CXCL13: variants seen among roughly 807,000 people sequenced by gnomAD.
CXCL13 encodes the protein C-X-C motif chemokine ligand 13.
A neutral mutation model predicts 12.2 loss-of-function variants in CXCL13; 7 were observed. The ratio of observed to expected loss-of-function variants is 0.57; its 90% CI spans 0.33 to 1.07. CXCL13 has a LOEUF of 1.07. Among genes scored for constraint, CXCL13 ranks in the 50% least tolerant of loss-of-function variants. The pLI is 0.04. For synonymous variants in CXCL13, 47 were observed against 42.4 expected (o/e 1.11, Z -0.42); for missense variants, 113 against 127.4 (o/e 0.89, Z 0.55).
rs556227848 is a variant in CXCL13, at chr4:77,568,051, A to G, written c.-42-37773A>G. On this transcript the variant is annotated intron_variant, in intron 1 of 4. Coordinates refer to the CXCL13 transcript ENST00000286758. Reference sequence around the variant, plus strand: ...TTCCTTCATGAAGCCAATAACCCCAATGGACTCCCAGGCTGAACCCCAATT... The same window carrying G: ...TTCCTTCATGAAGCCAATAACCCCAGTGGACTCCCAGGCTGAACCCCAATT... Among the ~76,000 whole-genome samples, 58 of 152,156 alleles carry G rather than the reference A, an allele frequency of 3.8e-4. 3 individuals are homozygous for G. The South Asian group carries it at 0.011, about 30-fold the overall frequency.
chr4:77,585,836 C>T (rs900329552), intron 1 of CXCL13, among the ~76,000 whole-genome samples: 14 of 150,864 alleles, frequency 9.3e-5, no homozygotes, highest in East Asian at 3.9e-4. Flanking sequence ...ATAGGGCACG[C>T]GGCAGGCCTC....
chr4:77,540,001 G>C (rs72650473), intron 1 of CXCL13, among the ~76,000 whole-genome samples: 1 of 152,150 alleles, frequency 6.6e-6, no homozygotes, highest in Non-Finnish European at 1.5e-5. Flanking sequence ...TAAAAACAGG[G>C]AGATGCTGAC....
upstream of CXCL13, among the ~76,000 whole-genome samples, chr4:77,602,642 CA>C (rs544667361): frequency 3.2e-4 from 45 of 140,266 alleles, no homozygotes; most frequent in Admixed American, 1.3e-3. Flanking sequence ...CAAAGTGAAG[CA>C]AAAAAAAAAC....
intron 1 of CXCL13, among the ~76,000 whole-genome samples, chr4:77,587,953 G>C (rs1256045989): frequency 6.6e-6 from 1 of 152,206 alleles, no homozygotes; most frequent in Non-Finnish European, 1.5e-5. Flanking sequence ...CAAGTGACCA[G>C]CACTTGTCAC....
intron 1 of CXCL13, among the ~76,000 whole-genome samples, chr4:77,531,128 A>ATTATTATTT (rs1553914595): frequency 6.8e-6 from 1 of 146,998 alleles, no homozygotes; most frequent in African/African-American, 2.5e-5. Context: ...TATTATTATT[A>ATTATTATTT]TTATCATTAT....
At chr4:77,561,650 C>T (rs1725815497) in intron 1 of CXCL13, among the ~76,000 whole-genome samples, 1 of 152,232 alleles carries the variant, frequency 6.6e-6, no homozygotes, top group Non-Finnish European at 1.5e-5. Context: ...TATGTCCCTG[C>T]CCCTTAGCAT....
intron 1 of CXCL13, among the ~76,000 whole-genome samples, chr4:77,532,420 T>C (rs1351217154): frequency 6.6e-6 from 1 of 152,276 alleles, no homozygotes; most frequent in Non-Finnish European, 1.5e-5. Context: ...AATCAGCTGT[T>C]AGTCTGATGG....
At chr4:77,548,732 G>C (rs1220855516) in intron 1 of CXCL13, among the ~76,000 whole-genome samples, 2 of 152,164 alleles carry the variant, frequency 1.3e-5, no homozygotes, top group African/African-American at 4.8e-5. Flanking sequence ...TTCCCTTTGT[G>C]GGTAACCCGA....
intron 1 of CXCL13, among the ~76,000 whole-genome samples, chr4:77,515,316 T>A (rs1307439221): frequency 1.3e-5 from 2 of 152,090 alleles, no homozygotes; most frequent in East Asian, 3.9e-4. Flanking sequence ...ATATGAACTT[T>A]AAAGTAGTTT....
intron 1 of CXCL13, among the ~76,000 whole-genome samples, chr4:77,535,212 G>A (rs1725031484): frequency 6.6e-6 from 1 of 152,156 alleles, no homozygotes; most frequent in East Asian, 1.9e-4. Context: ...GGGCCTTTAG[G>A]AACTCTGTTT....
At chr4:77,603,148 G>A (rs1388031490), upstream of CXCL13, among the ~76,000 whole-genome samples, 1 of 152,134 alleles carries the variant, frequency 6.6e-6, no homozygotes, top group East Asian at 1.9e-4. Flanking sequence ...TCCCGTTCTT[G>A]TCAGTATCAC....
At chr4:77,512,622 C>A (rs1724303138) in intron 1 of CXCL13, among the ~76,000 whole-genome samples, 1 of 152,102 alleles carries the variant, frequency 6.6e-6, no homozygotes, top group Non-Finnish European at 1.5e-5. Context: ...GATTAGGGCC[C>A]ATCCTGATGA....
chr4:77,545,538 GCT>G (rs1725339787), intron 1 of CXCL13, among the ~76,000 whole-genome samples: 1 of 152,038 alleles, frequency 6.6e-6, no homozygotes. Flanking sequence ...TCACGATTTG[GCT>G]CTCTGTTTGT....
chr4:77,596,404 T>C (rs1387074593), intron 1 of CXCL13, among the ~76,000 whole-genome samples: 1 of 152,028 alleles, frequency 6.6e-6, no homozygotes, highest in African/African-American at 2.4e-5. Flanking sequence ...TTTTGGAAAA[T>C]AGTATGGAGG....
chr4:77,603,264 C>T (rs1425259588), upstream of CXCL13, among the ~76,000 whole-genome samples: 2 of 152,142 alleles, frequency 1.3e-5, no homozygotes, highest in African/African-American at 4.8e-5. Context: ...ATGAATTAGA[C>T]ACTGTAAGAA....
In CXCL13 at chr4:77,551,471, G is replaced by A. The variant is rs370434943; in HGVS notation, c.-43+39683G>A. 1.4e-3 allele frequency among the ~76,000 whole-genome samples: 208 copies of A among 152,286 alleles called. 10 individuals carry two copies. In the South Asian group the frequency reaches 0.042, roughly 31 times the overall value. ...CCACCAATCTCTCCTGGCTTGTAAG[G>A]TTTCTGCTGGGAAGTCTGCTGTTAG... On this transcript the variant is annotated intron_variant, in intron 1 of 4. Coordinates refer to the CXCL13 transcript ENST00000286758.
At chr4:77,541,208 G>C (rs1578044541) in intron 1 of CXCL13, among the ~76,000 whole-genome samples, 1 of 152,088 alleles carries the variant, frequency 6.6e-6, no homozygotes, top group East Asian at 1.9e-4. Flanking sequence ...TAGGTTGTCT[G>C]TTTACTCTGT....
chr4:77,532,904 T>A (rs1318046348), intron 1 of CXCL13, among the ~76,000 whole-genome samples: 3 of 152,144 alleles, frequency 2.0e-5, no homozygotes, highest in Non-Finnish European at 2.9e-5. Flanking sequence ...CTTTAAGGAG[T>A]TCTCTGCATT....
intron 2 of CXCL13, among the ~76,000 whole-genome samples, chr4:77,608,497 C>G (rs1233566287): frequency 6.6e-6 from 1 of 151,934 alleles, no homozygotes; most frequent in Admixed American, 6.6e-5. Flanking sequence ...TTCACATTTT[C>G]CCCGTTGCAA....
Sources: allele counts gnomAD v4.1 joint callset (sites outside exome capture counted in the v4.1 genomes callset), GRCh38; gene constraint gnomAD v4.1.1; transcripts MANE v1.5; gene names NCBI Gene and HGNC (gene_info 2026-07-23, HGNC 2026-07-21).